The following CDC14B variants were observed in gnomAD, a reference collection of about 807,000 sequenced individuals.
CDC14B encodes dual specificity protein phosphatase CDC14B.
CDC14B carries 22 observed loss-of-function variants against 64.2 expected under a neutral mutation model. That is an observed-to-expected ratio of 0.34 (90% CI 0.24 to 0.49). The LOEUF (loss-of-function observed/expected upper bound fraction) is 0.49. Among genes scored for constraint, CDC14B ranks in the 20% least tolerant of loss-of-function variants. CDC14B has a pLI of 0.99. For synonymous variants in CDC14B, 191 were observed against 215.8 expected, an observed-to-expected ratio of 0.89 and a Z score of 1.01; for missense variants, 498 against 629.9, an observed-to-expected ratio of 0.79 and a Z score of 2.24.
At chr9:96,612,765 A>T (rs542099897) in intron 1 of CDC14B, among the ~76,000 whole-genome samples, 59 of 152,372 alleles carry the variant, frequency 3.9e-4, no homozygotes, top group Middle Eastern at 3.4e-3. Flanking sequence ...GAGAGCAGGG[A>T]CTATCTCTAG....
At chr9:96,522,111 A>T (rs1199099399) in intron 12 of CDC14B, among the ~76,000 whole-genome samples, 4 of 152,262 alleles carry the variant, frequency 2.6e-5, no homozygotes, top group African/African-American at 9.6e-5. Context: ...ACATAATGTC[A>T]TTAAGCCATC....
chr9:96,535,011 A>G (rs1032793827), intron 7 of CDC14B, among the ~76,000 whole-genome samples: 9 of 152,224 alleles, frequency 5.9e-5, no homozygotes, highest in African/African-American at 1.7e-4. Context: ...CTGGCTTCCC[A>G]ATATTTACTT....
chr9:96,543,855 A>C (rs1453567634), intron 5 of CDC14B, among the ~76,000 whole-genome samples: 1 of 152,156 alleles, frequency 6.6e-6, no homozygotes, highest in Non-Finnish European at 1.5e-5. Flanking sequence ...GGGTCTTCAC[A>C]CTGTAATATT....
intron 1 of CDC14B, among the ~76,000 whole-genome samples, chr9:96,580,262 C>CT (rs1405944277): frequency 1.8e-4 from 27 of 148,644 alleles, no homozygotes; most frequent in South Asian, 1.1e-3. Context: ...GAGTTTCGCT[C>CT]TTTTTTTTGC....
intron 1 of CDC14B, among the ~76,000 whole-genome samples, chr9:96,589,952 C>T (rs576668523): frequency 2.0e-5 from 3 of 149,652 alleles, no homozygotes; most frequent in Admixed American, 6.7e-5. Context: ...CAGAGCAAGA[C>T]TCCATCTCAA....
rs141244050 is a variant in CDC14B at position 96,539,132 on chromosome 9, C to T, written c.573G>A (p.Gln191=). 3.7e-6 allele frequency: 6 copies of T among 1,602,310 alleles called. No individual in the cohort carries two copies. Among genetic ancestry groups the T allele is most frequent in the African/African-American group, 1.3e-5 (1 of 74,660 alleles). ...DCFHAVKKAM[Q]YGFLNFNSFN... is the part of the protein sequence containing the mutation. Reference sequence around the variant, plus strand: ...ATGAGTTGAAATTAAGGAAGCCATACTGCATTGCCTAAAATCCAAAAGAAA... The same window carrying T: ...ATGAGTTGAAATTAAGGAAGCCATATTGCATTGCCTAAAATCCAAAAGAAA... Residue 191 remains glutamine (Q), a synonymous_variant, in exon 7 of 14, where the codon CAG becomes CAA. Transcript: ENST00000375241.
At chr9:96,531,085 G>A (rs1008669317) in intron 9 of CDC14B, among the ~76,000 whole-genome samples, 4 of 152,124 alleles carry the variant, frequency 2.6e-5, no homozygotes, top group East Asian at 1.9e-4. Flanking sequence ...ATCGATGTTC[G>A]TAAGGGATAC....
intron 12 of CDC14B, among the ~76,000 whole-genome samples, chr9:96,520,914 C>T (rs1017007986): frequency 2.0e-5 from 3 of 151,958 alleles, no homozygotes; most frequent in Non-Finnish European, 4.4e-5. Context: ...CTGCCTCCTC[C>T]ACCACATCCA....
Position 96,504,143 on chromosome 9 carries a change from C to T in CDC14B, c.1461-354G>A, listed in dbSNP as rs1320426362. On this transcript the variant is annotated intron_variant, in intron 13 of 13. Transcript: ENST00000375241. ...GTGCTGCAAAGCACTCCTTGTCCTT[C>T]CTTTCCTCTGAGGGACCAGGCTGTG... 7.2e-5 allele frequency among the ~76,000 whole-genome samples: 11 copies of T among 152,196 alleles called. No homozygotes were observed. In the South Asian group the frequency reaches 8.3e-4, roughly 11 times the overall value.
intron 5 of CDC14B, among the ~76,000 whole-genome samples, chr9:96,549,218 A>AAGGGG (rs1841437113): frequency 6.6e-6 from 1 of 152,208 alleles, no homozygotes; most frequent in Non-Finnish European, 1.5e-5. Context: ...AATTACTAGA[A>AAGGGG]AAATGAAAGG....
intron 1 of CDC14B, among the ~76,000 whole-genome samples, chr9:96,603,917 TG>T (rs1438057848): frequency 1.3e-5 from 2 of 152,214 alleles, no homozygotes; most frequent in Non-Finnish European, 2.9e-5. Flanking sequence ...TTAGAAACCC[TG>T]GAACAATTAA....
chr9:96,576,473 A>G (rs1564365958), intron 1 of CDC14B, among the ~76,000 whole-genome samples: 1 of 151,776 alleles, frequency 6.6e-6, no homozygotes, highest in Non-Finnish European at 1.5e-5. Context: ...TCTACTAAAA[A>G]TACAAAAATT....
chr9:96,609,121 C>A (rs376357929), intron 1 of CDC14B, among the ~76,000 whole-genome samples: 1 of 152,116 alleles, frequency 6.6e-6, no homozygotes, highest in African/African-American at 2.4e-5. Flanking sequence ...CATGCCAACA[C>A]GCCTGGCTAA....
chr9:96,550,418 T>A (rs1028091438), intron 5 of CDC14B, among the ~76,000 whole-genome samples: 1 of 152,182 alleles, frequency 6.6e-6, no homozygotes, highest in Non-Finnish European at 1.5e-5. Context: ...ATAAAGTTAT[T>A]TGAAAGGGAG....
chr9:96,554,580 C>T (rs766059057), intron 4 of CDC14B, among the ~76,000 whole-genome samples: 12 of 151,994 alleles, frequency 7.9e-5, no homozygotes, highest in Non-Finnish European at 1.3e-4. Flanking sequence ...AAATTCCTGA[C>T]GATGAACTTT....
chr9:96,616,806 T>C (rs890042436), intron 1 of CDC14B, among the ~76,000 whole-genome samples: 1 of 151,704 alleles, frequency 6.6e-6, no homozygotes, highest in South Asian at 2.1e-4. Context: ...AAAACAATAA[T>C]GGAGGGAAAA....
intron 5 of CDC14B, among the ~76,000 whole-genome samples, chr9:96,546,186 T>C (rs1162008543): frequency 6.6e-6 from 1 of 152,082 alleles, no homozygotes; most frequent in Non-Finnish European, 1.5e-5. Flanking sequence ...GCAAATAAAT[T>C]GTGGTATACT....
chr9:96,590,155 C>T (rs559783710), intron 1 of CDC14B, among the ~76,000 whole-genome samples: 4 of 152,078 alleles, frequency 2.6e-5, no homozygotes, highest in African/African-American at 9.7e-5. Flanking sequence ...TCCCTATCCC[C>T]CAAAGGTCCT....
rs140005345 is a variant in CDC14B, at chr9:96,600,614, G to A, written c.160+18605C>T. Among the ~76,000 whole-genome samples, 693 of 151,818 alleles carry A rather than the reference G, an allele frequency of 4.6e-3. 5 individuals are homozygous for A. The highest frequency in any genetic ancestry group is 0.016 in the African/African-American group (654 of 41,398). ...ACCTCCTGAGTTCGAGCGATTCTCC[G>A]GCCTCAGCCTCCTGAGCAGCTGGGA... On this transcript the variant is annotated intron_variant, in intron 1 of 13. Coordinates refer to ENST00000375241, the MANE Select transcript of CDC14B (RefSeq NM_033331.4).
Sources: allele counts gnomAD v4.1 joint callset (sites outside exome capture counted in the v4.1 genomes callset), GRCh38; gene constraint gnomAD v4.1.1; transcripts MANE v1.5; gene names NCBI Gene and HGNC (gene_info 2026-07-23, HGNC 2026-07-21).